The following TCL1B variants were observed in gnomAD, a reference collection of about 807,000 sequenced individuals.
TCL1B encodes T-cell leukemia/lymphoma protein 1B.
Under a neutral mutation model 16.9 loss-of-function variants are expected in TCL1B, and 14 were observed. That is an observed-to-expected ratio of 0.83 (90% CI 0.55 to 1.30). The LOEUF is 1.30. Ranked by LOEUF, TCL1B falls within the 50% of genes most tolerant of loss-of-function variation. TCL1B has a pLI of 0.00. For missense variants in TCL1B, 166 were observed against 165.2 expected (o/e 1.00, Z -0.03); for synonymous variants, 79 against 66.6 (o/e 1.19, Z -0.91).
chr14:95,690,609 G>C, intron 1 of TCL1B, 127 bp from the exon 2 acceptor site: 1 of 1,114,930 alleles, frequency 9.0e-7, no homozygotes. Context: ...CAGTGCCAAG[G>C]CTCTTGGTCT....
At chr14:95,690,115 A>C (rs541665232) in intron 1 of TCL1B, among the ~76,000 whole-genome samples, 20 of 152,248 alleles carry the variant, frequency 1.3e-4, no homozygotes, top group African/African-American at 4.8e-4. Flanking sequence ...AAATCTTCTC[A>C]CCTTAGCTTC....
chr14:95,689,890 T>G (rs2139705148), intron 1 of TCL1B, among the ~76,000 whole-genome samples: 1 of 152,352 alleles, frequency 6.6e-6, no homozygotes, highest in Admixed American at 6.5e-5. Context: ...AGACAAATAC[T>G]TAGAAAATTG....
In TCL1B at chr14:95,692,024, A is replaced by G. The variant is rs897124077; in HGVS notation, c.*109A>G. 6.5e-6 allele frequency: 1 copy of G among 152,696 alleles called. No homozygotes were observed. The highest frequency in any genetic ancestry group is 2.4e-5 in the African/African-American group (1 of 41,432). 9.5% of individuals were successfully genotyped at this position (152,696 alleles called of 1,614,324 possible). On this transcript the variant is annotated 3_prime_UTR_variant, in exon 4 of 4. Coordinates refer to ENST00000340722, the MANE Select transcript of TCL1B (RefSeq NM_004918.4). The stretch of plus-strand genomic sequence containing the variant: ...CTGCTCTTCTGTTTGCACACCCAGC[A>G]TAGCCTCCTTGCAGGCAGAAGGCAG...
Position 95,691,328 on chromosome 14 carries a change from G to C in TCL1B, c.*7G>C, listed in dbSNP as rs1885880639. On this transcript the variant is annotated 3_prime_UTR_variant, in exon 3 of 4. Transcript: ENST00000340722. The stretch of plus-strand genomic sequence containing the variant: ...GCCGGAGAGGAAAGACTGACACTGG[G>C]AGTGGCTGGTATGTTGGGGCCCTGT... 6 of 1,613,424 alleles carry C rather than the reference G, an allele frequency of 3.7e-6. No individual in the cohort carries two copies. The highest frequency in any genetic ancestry group is 4.2e-6 in the Non-Finnish European group (5 of 1,179,980).
At chr14:95,691,032 C>T in intron 2 of TCL1B, 126 bp downstream of exon 2, 4 of 1,255,098 alleles carry the variant, frequency 3.2e-6, no homozygotes, top group Non-Finnish European at 4.4e-6. Context: ...CTCAAGTCTT[C>T]CTTCAAGGAG....
At chr14:95,690,645 A>G (rs1414138914) in intron 1 of TCL1B, 91 bp from the exon 2 acceptor site, 1 of 1,406,292 alleles carries the variant, frequency 7.1e-7, no homozygotes, top group African/African-American at 1.4e-5. Flanking sequence ...TTTACCTCTG[A>G]CCCTGGCAGC....
chr14:95,691,576 T>A, intron 3 of TCL1B: 1 of 408,654 alleles, frequency 2.4e-6, no homozygotes, highest in Non-Finnish European at 4.4e-6. Flanking sequence ...ATTTAATCCT[T>A]GTGAGAATTT....
intron 1 of TCL1B, among the ~76,000 whole-genome samples, chr14:95,690,320 A>G (rs372150943): frequency 6.6e-6 from 1 of 152,338 alleles, no homozygotes; most frequent in East Asian, 1.9e-4. Context: ...TATATTTACT[A>G]TAAGTGTGTG....
rs1161170442 is a variant in TCL1B, at chr14:95,686,460, G to T, written c.-8G>T. The T allele has an allele frequency of 1.9e-6, 3 of 1,582,194 alleles. No homozygotes were observed. The East Asian group carries it at 6.7e-5, about 35-fold the overall frequency. ...AGCCTAGAGGCGGGTCCCGGTTGCAGACTTGCCATGGCCTCCGAAGCTTCT... is the reference window on the plus strand; with the variant it reads ...AGCCTAGAGGCGGGTCCCGGTTGCATACTTGCCATGGCCTCCGAAGCTTCT... On this transcript the variant is annotated 5_prime_UTR_variant, in exon 1 of 4. Transcript: ENST00000340722.
chr14:95,691,426 C>A, intron 3 of TCL1B, 90 bp downstream of exon 3: 1 of 1,223,830 alleles, frequency 8.2e-7, no homozygotes, highest in Non-Finnish European at 1.1e-6. Flanking sequence ...TGGCCTCCTC[C>A]TCCCTGCTGT....
intron 1 of TCL1B, among the ~76,000 whole-genome samples, chr14:95,687,039 G>T (rs1171773998): frequency 6.6e-6 from 1 of 152,198 alleles, no homozygotes; most frequent in Non-Finnish European, 1.5e-5. Context: ...CACCAGGTGG[G>T]CCAACAGGAT....
intron 1 of TCL1B, among the ~76,000 whole-genome samples, chr14:95,687,249 AGG>A (rs1885780459): frequency 6.6e-6 from 1 of 152,118 alleles, no homozygotes; most frequent in Non-Finnish European, 1.5e-5. Context: ...AAAGCTCCCC[AGG>A]TGATAATGAT....
chr14:95,691,460 C>A, intron 3 of TCL1B, 124 bp downstream of exon 3: 1 of 800,576 alleles, frequency 1.2e-6, no homozygotes, highest in Non-Finnish European at 2.0e-6. Flanking sequence ...TCTTACATAG[C>A]CACCTGTCAC....
At chr14:95,689,367 T>G (rs1885835705) in intron 1 of TCL1B, 1 of 152,076 alleles carries the variant, frequency 6.6e-6, no homozygotes, top group African/African-American at 2.4e-5. Flanking sequence ...AATGGATTCT[T>G]CAAATAACTT....
At chr14:95,690,388 C>A (rs1229600545) in intron 1 of TCL1B, among the ~76,000 whole-genome samples, 1 of 8,186 alleles carries the variant, frequency 1.2e-4, no homozygotes, top group Non-Finnish European at 7.5e-4. Context: ...CCCTCAGATC[C>A]AGAGTCCATG....
chr14:95,686,614 C>T lies in TCL1B; in HGVS notation c.147C>T (p.Ala49=). The T allele has an allele frequency of 6.2e-7, 1 of 1,609,494 alleles. No homozygotes were observed. The highest frequency in any genetic ancestry group is 8.5e-7 in the Non-Finnish European group (1 of 1,177,620). The stretch of plus-strand genomic sequence containing the variant: ...CCTCGCGTAGGGAATGGGCCAGGGC[C>T]TCCCAGGGCAGCAGAGTGAGTCCTG... ...FNPSRREWAR[A]SQGSRYEPSI... Residue 49 remains alanine, a synonymous_variant, in exon 1 of 4, where the codon GCC becomes GCT. Transcript: ENST00000340722.
chr14:95,691,377 G>GA, intron 3 of TCL1B, 41 bp downstream of exon 3: 1 of 1,579,406 alleles, frequency 6.3e-7, no homozygotes, highest in East Asian at 2.2e-5. Flanking sequence ...GGGATCAGAC[G>GA]AAAGTGAGAA....
intron 1 of TCL1B, among the ~76,000 whole-genome samples, chr14:95,687,630 A>G (rs1267244445): frequency 6.6e-6 from 1 of 152,072 alleles, no homozygotes; most frequent in East Asian, 1.9e-4. Flanking sequence ...CCTTAGTGTA[A>G]TGTGGTAAAA....
chr14:95,690,538 C>T (rs1885856206), intron 1 of TCL1B, among the ~76,000 whole-genome samples, 198 bp from the exon 2 acceptor site: 4 of 151,980 alleles, frequency 2.6e-5, no homozygotes, highest in African/African-American at 7.3e-5. Context: ...TGGGGCGAGG[C>T]AGGGTGCAGG....
Sources: allele counts gnomAD v4.1 joint callset (sites outside exome capture counted in the v4.1 genomes callset), GRCh38; gene constraint gnomAD v4.1.1; transcripts MANE v1.5; gene names NCBI Gene and HGNC (gene_info 2026-07-23, HGNC 2026-07-21).